The following ARHGEF18 variants were observed in gnomAD, a reference collection of about 807,000 sequenced individuals.
The protein encoded by ARHGEF18 is Rho/Rac guanine nucleotide exchange factor 18.
A neutral mutation model predicts 155.7 loss-of-function variants in ARHGEF18; 93 were observed. The observed-to-expected ratio is 0.60, with a 90% CI of 0.50 to 0.71. ARHGEF18 has a LOEUF of 0.71. Ranked by LOEUF, ARHGEF18 falls within the 30% of genes least tolerant of loss-of-function variation. ARHGEF18 has a pLI of 0.00. For synonymous variants in ARHGEF18, 742 were observed against 753.1 expected, an observed-to-expected ratio of 0.99 and a Z score of 0.24; for missense variants, 1,593 against 1,816.1, an observed-to-expected ratio of 0.88 and a Z score of 2.23.
intron 10 of ARHGEF18, among the ~76,000 whole-genome samples, chr19:7,425,075 G>A (rs1480433127): frequency 2.6e-5 from 4 of 151,734 alleles, no homozygotes; most frequent in African/African-American, 4.8e-5. Context: ...AGTATTTCCC[G>A]AGAGCCATTT....
chr19:7,415,089 C>T lies in ARHGEF18; in HGVS notation c.968-25255C>T, dbSNP rs143636456. 3.7e-3 allele frequency among the ~76,000 whole-genome samples: 565 copies of T among 152,258 alleles called. 1 individual carries two copies. The highest frequency in any genetic ancestry group is 0.013 in the African/African-American group (539 of 41,558). ...CTCCCCTCCCCCAAAATAAAAACCA[C>T]GCATGCCATTCAGCTATTCTGCTCC... is the stretch of plus-strand genomic sequence containing the variant. On this transcript the variant is annotated intron_variant, in intron 10 of 28. Coordinates refer to ENST00000668164, the MANE Select transcript of ARHGEF18 (RefSeq NM_001367823.1).
chr19:7,478,867 A>G, the ARHGEF18 span, among the ~76,000 whole-genome samples: 9 of 152,244 alleles, frequency 5.9e-5, no homozygotes, highest in African/African-American at 1.2e-4. Context: ...ACCTGTCTGG[A>G]TGATCCCCTG....
rs751160720 is a variant in ARHGEF18 at position 7,440,348 on chromosome 19, G to C, written c.972G>C (p.Ser324=). ...CTGTCCTTGCCTCTGTCACAGCCTC[G>C]CTCAAGGAGCACCCCCGGGGCACCC... ...LCGKPFLSSA[S]LKEHPRGTLL... Residue 324 remains serine, a synonymous_variant, in exon 11 of 29, where the codon TCG becomes TCC. Coordinates refer to ENST00000668164, the MANE Select transcript of ARHGEF18 (RefSeq NM_001367823.1). The surrounding 1 kb of genome is among the most constrained non-coding windows in gnomAD (Gnocchi z 5.4). 7.4e-6 allele frequency: 12 copies of C among 1,612,712 alleles called. No homozygotes were observed. The South Asian group carries it at 1.1e-4, about 15-fold the overall frequency.
intron 15 of ARHGEF18, among the ~76,000 whole-genome samples, chr19:7,448,683 A>AT (rs1975169510): frequency 2.0e-5 from 3 of 150,884 alleles, no homozygotes; most frequent in Admixed American, 2.0e-4. Context: ...AAAAAAAAAA[A>AT]GGAGGGTTAC....
chr19:7,405,886 C>T (rs557228322), intron 10 of ARHGEF18, among the ~76,000 whole-genome samples: 9 of 152,034 alleles, frequency 5.9e-5, no homozygotes, highest in Admixed American at 2.6e-4. Flanking sequence ...CCCAAAACAC[C>T]GGGATTCCAG....
chr19:7,372,170 C>A (rs1372451167), intron 2 of ARHGEF18, among the ~76,000 whole-genome samples: 1 of 152,174 alleles, frequency 6.6e-6, no homozygotes, highest in Admixed American at 6.5e-5. Context: ...CTAACAAATG[C>A]CTGGAAAAGG....
At chr19:7,450,818 C>T (rs1231669722) in intron 15 of ARHGEF18, among the ~76,000 whole-genome samples, 2 of 72 alleles carry the variant, frequency 0.028, no homozygotes, top group Admixed American at 0.25. Context: ...GATGTTAATA[C>T]GGGGTCTTGC....
intron 1 of ARHGEF18, among the ~76,000 whole-genome samples, chr19:7,362,237 G>A (rs1219014267): frequency 6.8e-6 from 1 of 146,362 alleles, no homozygotes; most frequent in Admixed American, 6.8e-5. Flanking sequence ...GGAAGAAGAA[G>A]ACAAGAAGAG....
intron 2 of ARHGEF18, among the ~76,000 whole-genome samples, chr19:7,363,492 G>A (rs751639479): frequency 1.3e-5 from 2 of 151,794 alleles, no homozygotes; most frequent in Non-Finnish European, 2.9e-5. Flanking sequence ...GATGGTTGAT[G>A]AATGAAAGAG....
At chr19:7,416,943 A>C (rs1394815075) in intron 10 of ARHGEF18, among the ~76,000 whole-genome samples, 1 of 140,602 alleles carries the variant, frequency 7.1e-6, no homozygotes, top group Non-Finnish European at 1.6e-5. Flanking sequence ...GGAGTCTCAC[A>C]CTGTTGCCCA....
chr19:7,475,531 C>CAT (rs201371783), downstream of ARHGEF18, among the ~76,000 whole-genome samples: 76 of 151,732 alleles, frequency 5.0e-4, 1 homozygote, highest in African/African-American at 1.8e-3. Context: ...TTTAAACACA[C>CAT]ACACACACAC....
intron 1 of ARHGEF18, among the ~76,000 whole-genome samples, chr19:7,360,692 G>A (rs1969510576): frequency 6.6e-6 from 1 of 152,186 alleles, no homozygotes; most frequent in African/African-American, 2.4e-5. Flanking sequence ...CAGCCCTAAG[G>A]GGACTTGGCT....
At chr19:7,365,404 G>C (rs1047270891) in intron 2 of ARHGEF18, among the ~76,000 whole-genome samples, 9 of 152,202 alleles carry the variant, frequency 5.9e-5, no homozygotes, top group African/African-American at 2.2e-4. Context: ...TCCAGCCTGG[G>C]TGACAGAATG....
chr19:7,359,585 G>T (rs1969461364), intron 1 of ARHGEF18, among the ~76,000 whole-genome samples: 1 of 152,066 alleles, frequency 6.6e-6, no homozygotes, highest in Admixed American at 6.6e-5. Context: ...ATGACACCAG[G>T]ATAAAGGCTT....
intron 2 of ARHGEF18, among the ~76,000 whole-genome samples, chr19:7,365,465 A>C (rs1453700425): frequency 6.6e-6 from 1 of 152,288 alleles, no homozygotes; most frequent in Non-Finnish European, 1.5e-5. Context: ...TCCAGATGTC[A>C]TGGAAGGTCC....
chr19:7,375,354 AAAGGAAGG>A (rs560169946), intron 3 of ARHGEF18, among the ~76,000 whole-genome samples: 21 of 142,386 alleles, frequency 1.5e-4, no homozygotes, highest in African/African-American at 2.9e-4. Flanking sequence ...AAAAGAAAGA[AAAGGAAGG>A]AAGGAAGGAA....
At chr19:7,352,894 T>G (rs1163197371) in intron 1 of ARHGEF18, among the ~76,000 whole-genome samples, 1 of 126,694 alleles carries the variant, frequency 7.9e-6, no homozygotes, top group Admixed American at 1.0e-4. Context: ...TGGAGTGCAG[T>G]GGCATGATCT....
chr19:7,365,041 A>C (rs1969823150), intron 2 of ARHGEF18, among the ~76,000 whole-genome samples: 1 of 152,178 alleles, frequency 6.6e-6, no homozygotes, highest in South Asian at 2.1e-4. Context: ...CTAAGGAAGG[A>C]GGATCTGTTA....
chr19:7,423,204 C>T (rs138365303), intron 10 of ARHGEF18, among the ~76,000 whole-genome samples: 1 of 152,094 alleles, frequency 6.6e-6, no homozygotes, highest in African/African-American at 2.4e-5. Flanking sequence ...GTCCGGTCTG[C>T]GTTCAGGAGA....
Sources: gnomAD v4.1 joint callset for allele counts (sites outside exome capture counted in the v4.1 genomes callset) on GRCh38, gnomAD v4.1.1 for gene constraint, Gnocchi (gnomAD v3.1) non-coding constraint, MANE v1.5 for transcripts, NCBI Gene and HGNC (gene_info 2026-07-23, HGNC 2026-07-21) for gene names.